Variants in NLGN4X observed in about 807,000 individuals in gnomAD.
NLGN4X encodes the protein neuroligin 4 X-linked, also known as neuroligin-4, X-linked.
A neutral mutation model predicts 40.3 loss-of-function variants in NLGN4X; 3 were observed. That is an observed-to-expected ratio of 0.07 (90% CI 0.03 to 0.19). The LOEUF (loss-of-function observed/expected upper bound fraction) is 0.19. NLGN4X is among the 10% of genes least tolerant of loss of function. The pLI is 1.00. For missense variants in NLGN4X, 382 were observed against 708.3 expected (o/e 0.54, Z 5.23); for synonymous variants, 270 against 306.8 (o/e 0.88, Z 1.25).
chrX:5,912,233 T>C (rs1347560492), intron 3 of NLGN4X, among the ~76,000 whole-genome samples: 1 of 111,425 alleles, frequency 9.0e-6, no homozygotes, highest in Non-Finnish European at 1.9e-5. Context: ...GCTTTTGCAT[T>C]TCTGACAACT....
chrX:6,054,838 A>G (rs1036157268), intron 2 of NLGN4X, among the ~76,000 whole-genome samples: 1 of 111,233 alleles, frequency 9.0e-6, no homozygotes, highest in African/African-American at 3.3e-5. Flanking sequence ...TTGTATTTTT[A>G]GTAGAGACAG....
At chrX:5,916,583 G>T (rs1395135039) in intron 3 of NLGN4X, among the ~76,000 whole-genome samples, 1 of 110,884 alleles carries the variant, frequency 9.0e-6, no homozygotes, top group Non-Finnish European at 1.9e-5. Flanking sequence ...CCAAATAGCT[G>T]GGATTACAGG....
intron 1 of NLGN4X, among the ~76,000 whole-genome samples, chrX:6,220,734 C>CTTTTTTTTTTTTTTT: frequency 1.5e-5 from 1 of 66,753 alleles, no homozygotes; most frequent in Non-Finnish European, 2.5e-5. Flanking sequence ...TTATAACTTT[C>CTTTTTTTTTTTTTTT]TTTTTTTTTT....
At chrX:6,219,491 G>C (rs772785988) in intron 1 of NLGN4X, among the ~76,000 whole-genome samples, 2 of 88,374 alleles carry the variant, frequency 2.3e-5, no homozygotes, top group Admixed American at 3.0e-4. Context: ...CCTTCCCTTC[G>C]ATCTATCATC....
intron 3 of NLGN4X, among the ~76,000 whole-genome samples, chrX:5,951,427 C>T (rs2034307680): frequency 9.0e-6 from 1 of 111,460 alleles, no homozygotes; most frequent in Non-Finnish European, 1.9e-5. Context: ...GGAAGTAAGC[C>T]TTCTCTTTCC....
chrX:6,222,092 T>C (rs1270235227), intron 1 of NLGN4X, among the ~76,000 whole-genome samples: 1 of 111,609 alleles, frequency 9.0e-6, no homozygotes, highest in Admixed American at 9.5e-5. Context: ...CAACCCAAGT[T>C]CCTTTTCAGC....
At chrX:6,061,367 A>C (rs1336130870) in intron 2 of NLGN4X, among the ~76,000 whole-genome samples, 1 of 110,642 alleles carries the variant, frequency 9.0e-6, no homozygotes, top group Non-Finnish European at 1.9e-5. Flanking sequence ...TCAACCCTAC[A>C]GCACACAGAA....
intron 2 of NLGN4X, among the ~76,000 whole-genome samples, chrX:6,057,162 A>G (rs1282510293): frequency 1.8e-5 from 2 of 112,084 alleles, no homozygotes; most frequent in African/African-American, 6.5e-5. Context: ...GTGATCATCA[A>G]TCATTCCAAA....
At chrX:6,173,477 T>C (rs1012633136) in intron 1 of NLGN4X, among the ~76,000 whole-genome samples, 7 of 111,886 alleles carry the variant, frequency 6.3e-5, no homozygotes, top group Middle Eastern at 4.6e-3. Context: ...TGACCTCAAC[T>C]TTCCCCTGCC....
At chrX:6,029,490 C>T (rs1205479836) in intron 2 of NLGN4X, 58 bp from the exon 3 acceptor site, 8 of 1,106,275 alleles carry the variant, frequency 7.2e-6, no homozygotes, top group South Asian at 1.9e-5. Context: ...CTCACCAATG[C>T]TAAATTAAGA....
chrX:5,930,194 T>A (rs749525539), intron 3 of NLGN4X, among the ~76,000 whole-genome samples: 1 of 112,531 alleles, frequency 8.9e-6, no homozygotes, highest in African/African-American at 3.2e-5. Context: ...CTCTCTGTAG[T>A]TATAGACTGG....
intron 3 of NLGN4X, among the ~76,000 whole-genome samples, chrX:5,991,723 G>A (rs189383013): frequency 1.2e-4 from 14 of 112,123 alleles, no homozygotes; most frequent in East Asian, 5.6e-4. Flanking sequence ...GACATCTATC[G>A]TGGGCTGGTA....
chrX:6,101,072 TAAAG>T (rs1410398085), intron 2 of NLGN4X, among the ~76,000 whole-genome samples: 3 of 110,598 alleles, frequency 2.7e-5, no homozygotes, highest in Non-Finnish European at 5.7e-5. Context: ...ATGAAAAAAA[TAAAG>T]AAAAAAACCA....
rs1454458019 is a variant in NLGN4X, at chrX:6,130,260, A to G, written c.472+20735T>C. 2.7e-5 allele frequency among the ~76,000 whole-genome samples: 3 copies of G among 109,817 alleles called. No homozygotes were observed. In the East Asian group the frequency reaches 8.6e-4, roughly 32 times the overall value. On this transcript the variant is annotated intron_variant, in intron 2 of 5. Transcript: ENST00000381095. ...GCCAATCTTGATTGGATTTTCCCTCACTCCTTCATATAACAATGTTATATA... is the reference window on the plus strand; with the variant it reads ...GCCAATCTTGATTGGATTTTCCCTCGCTCCTTCATATAACAATGTTATATA...
At chrX:5,910,389 T>C (rs1449561698) in intron 3 of NLGN4X, among the ~76,000 whole-genome samples, 10 of 111,056 alleles carry the variant, frequency 9.0e-5, no homozygotes, top group Non-Finnish European at 1.9e-4. Context: ...ACTATGATAT[T>C]TGCCCCTTCT....
chrX:5,981,772 T>C (rs142670210), intron 3 of NLGN4X, among the ~76,000 whole-genome samples: 7,514 of 110,675 alleles, frequency 0.068, 628 homozygotes, highest in African/African-American at 0.23. Context: ...TGAATAATTA[T>C]AGTATACAAA....
At chrX:6,005,484 C>T (rs961941998) in intron 3 of NLGN4X, among the ~76,000 whole-genome samples, 1 of 111,233 alleles carries the variant, frequency 9.0e-6, no homozygotes, top group African/African-American at 3.3e-5. Flanking sequence ...ACCATCAACA[C>T]ACAGCCCTGG....
In NLGN4X at chrX:5,924,620, C is replaced by G. The variant is rs62583816; in HGVS notation, c.626-15381G>C. Among the ~76,000 whole-genome samples the G allele has an allele frequency of 5.8e-3, 644 of 111,677 alleles. 1 individual carries two copies. The highest frequency in any genetic ancestry group is 0.042 in the Middle Eastern group (9 of 216). ...AACCAACCCAATGCCCATCAATCAACGAGCGGATAAAGAAACTGTGGTACA... is the reference window on the plus strand; with the variant it reads ...AACCAACCCAATGCCCATCAATCAAGGAGCGGATAAAGAAACTGTGGTACA... On this transcript the variant is annotated intron_variant, in intron 3 of 5. Transcript: ENST00000381095.
intron 1 of NLGN4X, among the ~76,000 whole-genome samples, chrX:6,198,212 C>T (rs1216987155): frequency 1.8e-5 from 2 of 111,783 alleles, no homozygotes; most frequent in African/African-American, 6.5e-5. Context: ...ACTATAATGA[C>T]GTTTCGAATA....
Sources: allele counts gnomAD v4.1 joint callset (sites outside exome capture counted in the v4.1 genomes callset), GRCh38; gene constraint gnomAD v4.1.1; transcripts MANE v1.5; gene names NCBI Gene and HGNC (gene_info 2026-07-23, HGNC 2026-07-21).